Variants in TVP23C observed in about 807,000 individuals in gnomAD.
The protein encoded by TVP23C is Golgi apparatus membrane protein TVP23 homolog C.
Under a neutral mutation model 28.7 loss-of-function variants are expected in TVP23C, and 19 were observed. That is an observed-to-expected ratio of 0.66 (90% CI 0.46 to 0.97). The LOEUF (loss-of-function observed/expected upper bound fraction) is 0.97. TVP23C is among the 50% of genes least tolerant of loss of function. TVP23C has a pLI of 0.00. For missense variants in TVP23C, 186 were observed against 241.3 expected (o/e 0.77, Z 1.52); for synonymous variants, 68 against 81.7 (o/e 0.83, Z 0.90).
At chr17:15,523,072 C>G (rs980784383) in intron 5 of TVP23C, among the ~76,000 whole-genome samples, 1 of 151,574 alleles carries the variant, frequency 6.6e-6, no homozygotes, top group Non-Finnish European at 1.5e-5. Context: ...TGCAGTGGTG[C>G]GATCTCGGCT....
At chr17:15,505,709 G>T (rs1171358286) in intron 5 of TVP23C, among the ~76,000 whole-genome samples, 1 of 152,214 alleles carries the variant, frequency 6.6e-6, no homozygotes, top group Non-Finnish European at 1.5e-5. Context: ...AGAGGGGCGA[G>T]CGGGAACCGG....
intron 1 of TVP23C, 56 bp downstream of exon 1, chr17:15,563,381 C>T (rs1239553700): frequency 1.9e-6 from 3 of 1,562,468 alleles, no homozygotes; most frequent in Admixed American, 1.9e-5. Context: ...TCCCACGGAA[C>T]CTGCAGAGCC....
intron 2 of TVP23C, among the ~76,000 whole-genome samples, 190 bp from the exon 3 acceptor site, chr17:15,554,019 A>G (rs557324039): frequency 2.0e-5 from 3 of 152,210 alleles, no homozygotes; most frequent in Admixed American, 2.0e-4. Context: ...ACTAGGCCCT[A>G]TAGTGACAGA....
chr17:15,506,469 G>C (rs1393429329), intron 5 of TVP23C, among the ~76,000 whole-genome samples: 2 of 152,194 alleles, frequency 1.3e-5, no homozygotes, highest in Non-Finnish European at 2.9e-5. Flanking sequence ...TGACAAAACA[G>C]GCCACTGGGC....
At chr17:15,510,192 G>C (rs952091708) in intron 5 of TVP23C, among the ~76,000 whole-genome samples, 1 of 152,184 alleles carries the variant, frequency 6.6e-6, no homozygotes, top group East Asian at 1.9e-4. Flanking sequence ...GGGTTCTAGT[G>C]AGGAGTTCCA....
chr17:15,509,735 C>G (rs886937361), intron 5 of TVP23C, among the ~76,000 whole-genome samples: 1 of 152,150 alleles, frequency 6.6e-6, no homozygotes, highest in African/African-American at 2.4e-5. Context: ...ACAGAAAAAT[C>G]CACTCATCCT....
chr17:15,556,537 A>AT (rs1984140610), intron 1 of TVP23C, among the ~76,000 whole-genome samples: 1 of 151,330 alleles, frequency 6.6e-6, no homozygotes, highest in Non-Finnish European at 1.5e-5. Flanking sequence ...AATTTTTTGT[A>AT]TTTTTTTAGT....
chr17:15,536,035 T>C (rs2150845273), downstream of TVP23C, among the ~76,000 whole-genome samples: 1 of 152,056 alleles, frequency 6.6e-6, no homozygotes, highest in East Asian at 1.9e-4. Context: ...CTACTAAAAA[T>C]ACAAAAATTA....
chr17:15,517,409 G>A (rs1982275943), intron 5 of TVP23C, among the ~76,000 whole-genome samples: 1 of 152,198 alleles, frequency 6.6e-6, no homozygotes, highest in Non-Finnish European at 1.5e-5. Context: ...TAAGAGCACA[G>A]ACTTCTATGA....
At chr17:15,511,735 T>C (rs968581038) in intron 5 of TVP23C, among the ~76,000 whole-genome samples, 3 of 152,194 alleles carry the variant, frequency 2.0e-5, no homozygotes, top group Non-Finnish European at 4.4e-5. Context: ...AGAATACCAC[T>C]GTTATATATT....
chr17:15,502,800 CCTCTCTCTCCTCT>C (rs1040843260), exon 6 of TVP23C: 193 of 1,456,498 alleles, frequency 1.3e-4, no homozygotes, highest in Non-Finnish European at 1.6e-4. Flanking sequence ...TCTCCTCTCT[CCTCTCTCTCCTCT>C]CTCTCTCTCT....
downstream of TVP23C, among the ~76,000 whole-genome samples, chr17:15,534,990 G>T (rs1257819280): frequency 1.3e-5 from 2 of 148,952 alleles, no homozygotes; most frequent in African/African-American, 2.5e-5. Flanking sequence ...ACAAAAATGT[G>T]ATTTTACTTC....
chr17:15,526,306 T>A (rs1406934285), intron 5 of TVP23C, among the ~76,000 whole-genome samples: 1 of 152,144 alleles, frequency 6.6e-6, no homozygotes, highest in Non-Finnish European at 1.5e-5. Context: ...AAATTCAAGC[T>A]CATCATCGAA....
intron 1 of TVP23C, among the ~76,000 whole-genome samples, chr17:15,561,153 G>T (rs1331006925): frequency 6.6e-6 from 1 of 151,934 alleles, no homozygotes. Flanking sequence ...AAGAAGCAAC[G>T]TTACCAGCTG....
In TVP23C at chr17:15,539,148, G is replaced by T; in HGVS notation, c.*1264C>A. 1 of 947,562 alleles carries T rather than the reference G, an allele frequency of 1.1e-6. No homozygotes were observed. The highest frequency in any genetic ancestry group is 1.3e-6 in the Non-Finnish European group (1 of 795,662). 58.7% of individuals were successfully genotyped at this position (947,562 alleles called of 1,614,324 possible). Reference sequence around the variant, plus strand: ...AACTTGGGAGAAATGCAAATTATGAGACTCCACCCCCAGATCTACTGAATA... The same window carrying T: ...AACTTGGGAGAAATGCAAATTATGATACTCCACCCCCAGATCTACTGAATA... On this transcript the variant is annotated 3_prime_UTR_variant, in exon 6 of 6. Transcript: ENST00000518321.
At chr17:15,554,236 CTTTTT>C (rs60423951) in intron 2 of TVP23C, among the ~76,000 whole-genome samples, 3 of 125,378 alleles carry the variant, frequency 2.4e-5, no homozygotes, top group East Asian at 2.4e-4. Context: ...TTGTTTGTTT[CTTTTT>C]TTTTTTTTTT....
Position 15,512,735 on chromosome 17 carries a change from G to T in TVP23C, c.463-9503C>A, listed in dbSNP as rs112546684. Among the ~76,000 whole-genome samples, 340 of 152,258 alleles carry T rather than the reference G, an allele frequency of 2.2e-3. 1 individual carries two copies. Among genetic ancestry groups the T allele is most frequent in the African/African-American group, 8.0e-3 (333 of 41,532 alleles). On this transcript the variant is annotated intron_variant, in intron 5 of 5. Transcript: ENST00000225576. ...ATTACAGATATATAGTTCAGATCAG[G>T]AAATATTAAGTTACCAACTCCTAAA... is the stretch of plus-strand genomic sequence containing the variant.
chr17:15,557,330 G>T (rs1030835748), intron 1 of TVP23C, among the ~76,000 whole-genome samples: 1 of 134,074 alleles, frequency 7.5e-6, no homozygotes, highest in Non-Finnish European at 1.6e-5. Flanking sequence ...TTGCTCTGTC[G>T]CCCAGGCTGG....
intron 5 of TVP23C, among the ~76,000 whole-genome samples, chr17:15,507,825 C>T (rs904202144): frequency 6.6e-6 from 1 of 151,690 alleles, no homozygotes; most frequent in Non-Finnish European, 1.5e-5. Flanking sequence ...GGTGACAGAG[C>T]GAGACTCCAT....
Sources: allele counts gnomAD v4.1 joint callset (sites outside exome capture counted in the v4.1 genomes callset), GRCh38; gene constraint gnomAD v4.1.1; transcripts MANE v1.5; gene names NCBI Gene and HGNC (gene_info 2026-07-23, HGNC 2026-07-21).